PXN: variants seen among roughly 807,000 people sequenced by gnomAD.
PXN encodes testicular tissue protein Li 134.
PXN carries 61 observed loss-of-function variants against 103.6 expected under a neutral mutation model. The ratio of observed to expected loss-of-function variants is 0.59; its 90% CI spans 0.48 to 0.73. PXN has a LOEUF of 0.73. Among genes scored for constraint, PXN ranks in the 30% least tolerant of loss-of-function variants. The pLI is 0.00. For missense variants in PXN, 1,274 were observed against 1,460.3 expected (o/e 0.87, Z 2.08); for synonymous variants, 562 against 607.8 (o/e 0.92, Z 1.11).
intron 1 of PXN, among the ~76,000 whole-genome samples, chr12:120,227,374 G>C (rs371754764): frequency 6.6e-6 from 1 of 152,128 alleles, no homozygotes; most frequent in African/African-American, 2.4e-5. Flanking sequence ...GGTGATATGC[G>C]CCTGTAGTCC....
At chr12:120,223,389 G>A (rs1400063573) in intron 3 of PXN, among the ~76,000 whole-genome samples, 1 of 151,866 alleles carries the variant, frequency 6.6e-6, no homozygotes, top group Non-Finnish European at 1.5e-5. Context: ...AGCCGAGATC[G>A]CGCGACTGCA....
In PXN at chr12:120,222,478, G is replaced by A; in HGVS notation, c.695+71C>T. ...GGAGTGGGTGATACCAGGGCTAAGG[G>A]GACAGACACTGGACCCGGGGCAGGC... On this transcript the variant is annotated intron_variant, in intron 5 of 14. Coordinates refer to ENST00000637617, the MANE Select transcript of PXN (RefSeq NM_001385981.1). The surrounding 1 kb of genome is among the most constrained non-coding windows in gnomAD (Gnocchi z 4.7). 6.8e-7 allele frequency: 1 copy of A among 1,463,976 alleles called. No individual in the cohort carries two copies. The highest frequency in any genetic ancestry group is 9.2e-7 in the Non-Finnish European group (1 of 1,087,906). 90.7% of individuals were successfully genotyped at this position (1,463,976 alleles called of 1,614,324 possible).
chr12:120,264,965 T>G (rs1894453980), intron 1 of PXN, among the ~76,000 whole-genome samples: 2 of 150,024 alleles, frequency 1.3e-5, no homozygotes, highest in East Asian at 2.0e-4. Context: ...AAGTGGGGGG[T>G]CAGAAGAGCA....
At chr12:120,261,731 C>A (rs573444358) in intron 1 of PXN, among the ~76,000 whole-genome samples, 90 of 152,302 alleles carry the variant, frequency 5.9e-4, no homozygotes, top group South Asian at 1.0e-3. Flanking sequence ...CAATGCATGA[C>A]CATCACTAGG....
At chr12:120,226,803 G>T in intron 1 of PXN, 1 of 1,021,994 alleles carries the variant, frequency 9.8e-7, no homozygotes. Flanking sequence ...GCTTCTCAGG[G>T]CCTGTTGTCT....
rs1181846164 is a variant in PXN, at chr12:120,265,618, G to T, written c.12C>A (p.Leu4=). 6.7e-7 allele frequency: 1 copy of T among 1,485,888 alleles called. No homozygotes were observed. The allele number at this position is 1,485,888 out of a possible 1,614,324, so 92.0% of individuals were successfully genotyped here. Residue 4 remains leucine (L), a splice_region_variant and synonymous_variant, in exon 1 of 15, where the codon CTC becomes CTA. Transcript: ENST00000637617. This position sits in a 1 kb window ranked among gnomAD's most constrained non-coding sequence, Gnocchi z 5.7. ...TCCCTCGGCCTCCCGCTCACTCACC[G>T]AGGTCGTCCATGGCCGGACCACGGG... is the stretch of plus-strand genomic sequence containing the variant. MDD[L]DALLADLEST...
At chr12:120,251,674 G>A (rs1046879481) in intron 1 of PXN, among the ~76,000 whole-genome samples, 1 of 150,976 alleles carries the variant, frequency 6.6e-6, no homozygotes, top group Non-Finnish European at 1.5e-5. Flanking sequence ...AAAATTAGCT[G>A]GGCGTGGTCG....
intron 1 of PXN, among the ~76,000 whole-genome samples, chr12:120,242,116 G>T (rs1351819712): frequency 6.6e-6 from 1 of 152,150 alleles, no homozygotes; most frequent in Non-Finnish European, 1.5e-5. Context: ...AACAGGCAGA[G>T]CCACAGTGTT....
At position 120,228,171 on chromosome 12, in the gene PXN, G is replaced by C. The variant is rs1236767465; in HGVS notation, c.14-3794C>G. Among the ~76,000 whole-genome samples the C allele has an allele frequency of 2.0e-5, 3 of 152,220 alleles. No homozygotes were observed. Among genetic ancestry groups the C allele is most frequent in the Non-Finnish European group, 4.4e-5 (3 of 68,036 alleles). ...AGACACGCTGCTCGGAAGTAGTCGGGAGACCTCATTCAAGCTAAGAAAGGC... is the reference window on the plus strand; with the variant it reads ...AGACACGCTGCTCGGAAGTAGTCGGCAGACCTCATTCAAGCTAAGAAAGGC... On this transcript the variant is annotated intron_variant, in intron 1 of 14. Transcript: ENST00000637617. The surrounding 1 kb of genome is among the most constrained non-coding windows in gnomAD (Gnocchi z 4.7).
intron 1 of PXN, among the ~76,000 whole-genome samples, chr12:120,256,648 A>G (rs1010024153): frequency 6.6e-6 from 1 of 152,172 alleles, no homozygotes; most frequent in African/African-American, 2.4e-5. Flanking sequence ...CACCTCACTC[A>G]GTCTCCCAAC....
Position 120,265,493 on chromosome 12 carries a change from G to C in PXN, c.13+124C>G, listed in dbSNP as rs1894565600. On this transcript the variant is annotated intron_variant, in intron 1 of 14. Coordinates refer to ENST00000637617, the MANE Select transcript of PXN (RefSeq NM_001385981.1). This position sits in a 1 kb window ranked among gnomAD's most constrained non-coding sequence, Gnocchi z 5.7. ...GCCCCGCGGAGCCCCGGCCGGCAGGGACAGGAGCTGAGGCCGGGGCCGCCG... is the reference window on the plus strand; with the variant it reads ...GCCCCGCGGAGCCCCGGCCGGCAGGCACAGGAGCTGAGGCCGGGGCCGCCG... 1 of 1,144,792 alleles carries C rather than the reference G, an allele frequency of 8.7e-7. No individual in the cohort carries two copies. Among genetic ancestry groups the C allele is most frequent in the South Asian group, 1.8e-5 (1 of 57,136 alleles). The allele number at this position is 1,144,792 out of a possible 1,614,324, so 70.9% of individuals were successfully genotyped here.
At chr12:120,236,055 C>G (rs1044175856) in intron 1 of PXN, among the ~76,000 whole-genome samples, 2 of 152,240 alleles carry the variant, frequency 1.3e-5, no homozygotes, top group African/African-American at 2.4e-5. Context: ...CTTCAATGGA[C>G]AGCCACATGT....
rs2136776169 is a variant in PXN, at chr12:120,265,678, G to A, written c.-49C>T. 7.0e-7 allele frequency: 1 copy of A among 1,433,886 alleles called. No individual in the cohort carries two copies. The highest frequency in any genetic ancestry group is 1.4e-5 in the South Asian group (1 of 73,510). The allele number at this position is 1,433,886 out of a possible 1,614,324, so 88.8% of individuals were successfully genotyped here. A position where few individuals can be genotyped will look rare whatever the true frequency, so the allele number is the denominator to read the frequency against. ...AGGGTCGCGCTAGCTGCCCGTCCCG[G>A]GGCCGCTCGTCTATGCCCCGCAACT... On this transcript the variant is annotated 5_prime_UTR_variant, in exon 1 of 15. Coordinates refer to ENST00000637617, the MANE Select transcript of PXN (RefSeq NM_001385981.1). This position sits in a 1 kb window ranked among gnomAD's most constrained non-coding sequence, Gnocchi z 5.7.
In PXN at chr12:120,229,069, G is replaced by T. The variant is rs961794071; in HGVS notation, c.14-4692C>A. On this transcript the variant is annotated intron_variant, in intron 1 of 14. Coordinates refer to ENST00000637617, the MANE Select transcript of PXN (RefSeq NM_001385981.1). The surrounding 1 kb of genome is among the most constrained non-coding windows in gnomAD (Gnocchi z 4.0). Reference sequence around the variant, plus strand: ...AGGGGACCGGTTCGCCTGCATTCCAGGGCAAGTGCTGCAGCTGCATCCCTC... The same window carrying T: ...AGGGGACCGGTTCGCCTGCATTCCATGGCAAGTGCTGCAGCTGCATCCCTC... Among the ~76,000 whole-genome samples, 1 of 152,182 alleles carries T rather than the reference G, an allele frequency of 6.6e-6. No homozygotes were observed. The highest frequency in any genetic ancestry group is 6.5e-5 in the Admixed American group (1 of 15,284).
intron 1 of PXN, among the ~76,000 whole-genome samples, chr12:120,260,859 C>T (rs1336714843): frequency 6.6e-6 from 1 of 152,054 alleles, no homozygotes; most frequent in Non-Finnish European, 1.5e-5. Flanking sequence ...CCTAGCTACT[C>T]GGGAGGCTGA....
rs778995962 is a variant in PXN at position 120,214,118 on chromosome 12, C to T, written c.2830+18G>A. 22 of 1,553,970 alleles carry T rather than the reference C, an allele frequency of 1.4e-5. No individual in the cohort carries two copies. Among genetic ancestry groups the T allele is most frequent in the Admixed American group, 5.9e-5 (3 of 51,176 alleles). On this transcript the variant is annotated intron_variant, in intron 13 of 14. Coordinates refer to ENST00000637617, the MANE Select transcript of PXN (RefSeq NM_001385981.1). The surrounding 1 kb of genome is among the most constrained non-coding windows in gnomAD (Gnocchi z 5.0). ...CCTCCTAAGAGGCGGTGGGTCAGTCCGCCGGTCCAGCCCGTACCTTCGGGA... is the reference window on the plus strand; with the variant it reads ...CCTCCTAAGAGGCGGTGGGTCAGTCTGCCGGTCCAGCCCGTACCTTCGGGA...
intron 1 of PXN, among the ~76,000 whole-genome samples, chr12:120,251,479 T>C (rs987379106): frequency 2.6e-5 from 4 of 151,606 alleles, no homozygotes; most frequent in African/African-American, 9.7e-5. Context: ...ATCACGCCCC[T>C]GCACTCCAGC....
At chr12:120,240,946 C>G (rs978092120) in intron 1 of PXN, among the ~76,000 whole-genome samples, 6 of 152,148 alleles carry the variant, frequency 3.9e-5, no homozygotes, top group African/African-American at 1.2e-4. Flanking sequence ...CAAAAGTATT[C>G]CACATTCTCT....
At chr12:120,255,488 G>A (rs1594524618) in intron 1 of PXN, among the ~76,000 whole-genome samples, 1 of 152,140 alleles carries the variant, frequency 6.6e-6, no homozygotes, top group African/African-American at 2.4e-5. Context: ...AAGGTCAAGA[G>A]TTCAAGACCA....
Sources: allele counts gnomAD v4.1 joint callset (sites outside exome capture counted in the v4.1 genomes callset), GRCh38; gene constraint gnomAD v4.1.1; non-coding constraint Gnocchi (gnomAD v3.1); transcripts MANE v1.5; gene names NCBI Gene and HGNC (gene_info 2026-07-23, HGNC 2026-07-21).